SLC39A12: variants seen among roughly 807,000 people sequenced by gnomAD.
SLC39A12 encodes the protein zinc transporter ZIP12.
Under a neutral mutation model 71.1 loss-of-function variants are expected in SLC39A12, and 63 were observed. The observed-to-expected ratio is 0.89, with a 90% CI of 0.72 to 1.09. The LOEUF (loss-of-function observed/expected upper bound fraction) is 1.09, where lower values mean the gene tolerates loss of function less well. Among genes scored for constraint, SLC39A12 ranks in the 50% least tolerant of loss-of-function variants. SLC39A12 has a pLI of 0.00. For synonymous variants in SLC39A12, 351 were observed against 301.3 expected (o/e 1.16, Z -1.71); for missense variants, 892 against 812.6 (o/e 1.10, Z -1.19).
Position 17,987,544 on chromosome 10 carries a change from G to C in SLC39A12, c.1162G>C (p.Val388Leu), listed in dbSNP as rs148904851. 188 of 1,614,090 alleles carry C rather than the reference G, an allele frequency of 1.2e-4. No homozygotes were observed. The African/African-American group carries it at 2.3e-3, about 20-fold the overall frequency. Residue 388 changes from valine to leucine, a missense_variant, in exon 7 of 13, where the codon GTC (valine) becomes CTC (leucine). By Grantham distance (32) the Val-to-Leu change is conservative. Coordinates refer to ENST00000377369, the MANE Select transcript of SLC39A12 (RefSeq NM_001145195.2). The part of the protein sequence containing the change: ...TLGSMLGTAL[V>L]LFHSCEENYR... ...GGGCTCCATGCTGGGGACAGCGCTG[G>C]TCCTTTTCCATAGCTGTGAGGAGAA... is the stretch of plus-strand genomic sequence containing the variant.
chr10:18,020,284 G>T (rs112383525), intron 12 of SLC39A12, among the ~76,000 whole-genome samples: 1 of 151,890 alleles, frequency 6.6e-6, no homozygotes, highest in Non-Finnish European at 1.5e-5. Flanking sequence ...CCATGTTGCC[G>T]CAAAAGGTGC....
Position 17,961,836 on chromosome 10 carries a change from C to G in SLC39A12, c.517C>G (p.Gln173Glu). ...ETEDILAFTR[Q>E]YFDTSQSQCM... ...AGAAGATATCTTGGCTTTCACCAGGCAGTACTTTGACACTTCTCAAAGCCA... is the reference window on the plus strand; with the variant it reads ...AGAAGATATCTTGGCTTTCACCAGGGAGTACTTTGACACTTCTCAAAGCCA... The change falls in exon 3 of 13, where the codon CAG (glutamine) becomes GAG (glutamate). Residue 173 changes from glutamine to glutamate, a missense_variant. Coordinates refer to ENST00000377369, the MANE Select transcript of SLC39A12 (RefSeq NM_001145195.2). 1 of 1,613,772 alleles carries G rather than the reference C, an allele frequency of 6.2e-7. No homozygotes were observed. Among genetic ancestry groups the G allele is most frequent in the South Asian group, 1.1e-5 (1 of 90,976 alleles).
chr10:18,042,630 C>G, intron 12 of SLC39A12, 75 bp from the exon 13 acceptor site: 1 of 1,453,826 alleles, frequency 6.9e-7, no homozygotes, highest in South Asian at 1.4e-5. Flanking sequence ...AACAGTCGCT[C>G]ATGTTTTCCC....
intron 12 of SLC39A12, among the ~76,000 whole-genome samples, chr10:18,009,454 C>G (rs1372618734): frequency 6.6e-6 from 1 of 152,120 alleles, no homozygotes. Context: ...AATTTCAAAC[C>G]CTCTTCCCCC....
At position 17,993,222 on chromosome 10, in the gene SLC39A12, C is replaced by G. The variant is rs376476900; in HGVS notation, c.1464C>G (p.His488Gln). 1 of 1,551,798 alleles carries G rather than the reference C, an allele frequency of 6.4e-7. No homozygotes were observed. The highest frequency in any genetic ancestry group is 1.2e-5 in the South Asian group (1 of 84,024). Residue 488 changes from histidine to glutamine, a missense_variant, in exon 9 of 13, where the codon CAC (histidine) becomes CAG (glutamine). His to Gln is a conservative substitution (Grantham distance 24). Coordinates refer to ENST00000377369, the MANE Select transcript of SLC39A12 (RefSeq NM_001145195.2). The stretch of plus-strand genomic sequence containing the variant: ...TTAATGGGCACGTGGGTCATTCCCA[C>G]CATCTTGCACTCAACTCTGAATTAA... ...SLVNGHVGHS[H>Q]HLALNSELSD...
intron 2 of SLC39A12, among the ~76,000 whole-genome samples, 165 bp from the exon 3 acceptor site, chr10:17,961,416 T>C (rs374994517): frequency 7.9e-5 from 12 of 152,200 alleles, no homozygotes; most frequent in Admixed American, 5.9e-4. Context: ...ACAGGCATCA[T>C]TGTTATGCGG....
chr10:17,982,825 C>A (rs886744254), intron 6 of SLC39A12, among the ~76,000 whole-genome samples: 1 of 152,042 alleles, frequency 6.6e-6, no homozygotes, highest in Non-Finnish European at 1.5e-5. Context: ...TGTCTCCTCT[C>A]GAATGAACTT....
At chr10:17,991,109 C>G in intron 7 of SLC39A12, 42 bp from the exon 8 acceptor site, 1 of 1,520,008 alleles carries the variant, frequency 6.6e-7, no homozygotes, top group South Asian at 1.3e-5. Flanking sequence ...AGACTTATCT[C>G]CATCTTTCTC....
At chr10:17,987,717 G>T in intron 7 of SLC39A12, 66 bp downstream of exon 7, 3 of 1,543,758 alleles carry the variant, frequency 1.9e-6, no homozygotes, top group South Asian at 2.4e-5. Flanking sequence ...ACCACTGGAG[G>T]TATTTATGCA....
chr10:18,003,119 A>G, intron 11 of SLC39A12, 52 bp from the exon 12 acceptor site: 1 of 1,545,756 alleles, frequency 6.5e-7, no homozygotes. Flanking sequence ...ACTTTAGCAA[A>G]GGCGTCTTCC....
chr10:17,988,833 C>T (rs556439423), intron 7 of SLC39A12, among the ~76,000 whole-genome samples: 74 of 152,306 alleles, frequency 4.9e-4, no homozygotes, highest in Non-Finnish European at 7.2e-4. Flanking sequence ...GGCTCACTGG[C>T]CTTCCTCCCT....
chr10:18,041,407 A>T (rs1293750332), intron 12 of SLC39A12, among the ~76,000 whole-genome samples: 4 of 151,186 alleles, frequency 2.6e-5, no homozygotes, highest in African/African-American at 9.7e-5. Context: ...GAGGCAGGAG[A>T]ATTGCTTGAA....
intron 12 of SLC39A12, among the ~76,000 whole-genome samples, chr10:18,041,535 TACACACACACACAC>T (rs56222977): frequency 1.7e-5 from 2 of 120,688 alleles, no homozygotes; most frequent in Admixed American, 8.8e-5. Flanking sequence ...TGTATATATA[TACACACACACACAC>T]ACACACACGC....
intron 4 of SLC39A12, among the ~76,000 whole-genome samples, chr10:17,969,971 T>C (rs150294698): frequency 0.014 from 2,059 of 152,308 alleles, 40 homozygotes; most frequent in African/African-American, 0.043. Flanking sequence ...TTGTATATGA[T>C]GAGAGATGGG....
intron 12 of SLC39A12, among the ~76,000 whole-genome samples, chr10:18,031,690 T>C (rs1836854083): frequency 7.8e-6 from 1 of 128,812 alleles, no homozygotes; most frequent in Non-Finnish European, 1.6e-5. Flanking sequence ...TTGTTGCCAC[T>C]GCTTTTGGTG....
intron 12 of SLC39A12, among the ~76,000 whole-genome samples, chr10:18,033,957 G>A (rs1836925256): frequency 6.7e-6 from 1 of 149,564 alleles, no homozygotes; most frequent in African/African-American, 2.4e-5. Context: ...GTAGTTGAGT[G>A]GCTTTGAGTG....
At chr10:18,026,280 A>C (rs1391077326) in intron 12 of SLC39A12, among the ~76,000 whole-genome samples, 2 of 152,046 alleles carry the variant, frequency 1.3e-5, no homozygotes, top group Non-Finnish European at 2.9e-5. Context: ...TTTCTGAGAG[A>C]GTCTATATTT....
At chr10:17,978,537 A>G (rs1424648913) in intron 5 of SLC39A12, among the ~76,000 whole-genome samples, 1 of 152,198 alleles carries the variant, frequency 6.6e-6, no homozygotes, top group Non-Finnish European at 1.5e-5. Flanking sequence ...GCAGGTGACA[A>G]GAGTTGATCT....
chr10:17,980,541 T>C (rs1382044068), intron 5 of SLC39A12, among the ~76,000 whole-genome samples: 1 of 151,706 alleles, frequency 6.6e-6, no homozygotes, highest in Admixed American at 6.6e-5. Context: ...ATTTTTGAAG[T>C]ACACAACGTC....
Sources: gnomAD v4.1 joint callset for allele counts (sites outside exome capture counted in the v4.1 genomes callset) on GRCh38, gnomAD v4.1.1 for gene constraint, MANE v1.5 for transcripts, NCBI Gene and HGNC (gene_info 2026-07-23, HGNC 2026-07-21) for gene names.